The following CORIN variants were observed in gnomAD, a reference collection of about 807,000 sequenced individuals.
The protein encoded by CORIN is atrial natriuretic peptide-converting enzyme.
Under a neutral mutation model 125.3 loss-of-function variants are expected in CORIN, and 117 were observed. That is an observed-to-expected ratio of 0.93 (90% CI 0.80 to 1.09). CORIN has a LOEUF of 1.09. Ranked by LOEUF, CORIN falls within the 50% of genes least tolerant of loss-of-function variation. The pLI is 0.00. For missense variants in CORIN, 1,253 were observed against 1,306.7 expected (o/e 0.96, Z 0.63); for synonymous variants, 450 against 466.4 (o/e 0.96, Z 0.45).
intron 5 of CORIN, among the ~76,000 whole-genome samples, chr4:47,716,338 T>A (rs574274961): frequency 2.0e-5 from 3 of 152,282 alleles, no homozygotes; most frequent in African/African-American, 7.2e-5. Context: ...CACTGAATGA[T>A]TTTTGGAAGA....
intron 5 of CORIN, among the ~76,000 whole-genome samples, chr4:47,730,093 G>C (rs1048448907): frequency 1.3e-5 from 2 of 152,186 alleles, no homozygotes; most frequent in Admixed American, 1.3e-4. Context: ...GGTACAGAAG[G>C]CTGTCACACT....
intron 6 of CORIN, among the ~76,000 whole-genome samples, chr4:47,689,486 C>G (rs1725671716): frequency 6.6e-6 from 1 of 152,100 alleles, no homozygotes; most frequent in South Asian, 2.1e-4. Flanking sequence ...AGCCACCATC[C>G]TCAAAAATAA....
intron 19 of CORIN, among the ~76,000 whole-genome samples, chr4:47,623,094 CTCTATATA>C (rs1365333504): frequency 2.0e-5 from 2 of 101,438 alleles, no homozygotes; most frequent in Admixed American, 1.0e-4. Context: ...CTCTCTCTCT[CTCTATATA>C]TATATATATA....
chr4:47,716,097 T>C (rs1727074897), intron 5 of CORIN, among the ~76,000 whole-genome samples: 1 of 152,226 alleles, frequency 6.6e-6, no homozygotes, highest in Non-Finnish European at 1.5e-5. Context: ...CTTGTGTTGC[T>C]CCCTAGTAGT....
intron 3 of CORIN, among the ~76,000 whole-genome samples, chr4:47,767,061 T>A (rs1729789764): frequency 6.6e-6 from 1 of 151,238 alleles, no homozygotes; most frequent in African/African-American, 2.4e-5. Context: ...GAAAAAGGCA[T>A]AAACTCATAA....
rs184824819 is a variant in CORIN at position 47,828,868 on chromosome 4, A to G, written c.63+9019T>C. 1.8e-4 allele frequency among the ~76,000 whole-genome samples: 27 copies of G among 152,244 alleles called. 1 individual carries two copies. The highest frequency in any genetic ancestry group is 3.7e-4 in the Non-Finnish European group (25 of 68,002). On this transcript the variant is annotated intron_variant, in intron 1 of 21. Transcript: ENST00000273857. ...GAAATTTAAAGACTTGTTATGAAAA[A>G]AAAAGGTAGGCCCGGCGCGGTGGCT...
chr4:47,680,450 G>A, intron 7 of CORIN, 199 bp from the exon 8 acceptor site: 1 of 499,242 alleles, frequency 2.0e-6, no homozygotes, highest in Non-Finnish European at 3.6e-6. Context: ...TCACTGTGGG[G>A]TAAGATGGGT....
chr4:47,809,634 C>T (rs2109957256), intron 1 of CORIN, among the ~76,000 whole-genome samples: 1 of 152,150 alleles, frequency 6.6e-6, no homozygotes, highest in South Asian at 2.1e-4. Context: ...TCTCGAACTC[C>T]TGACCCCGTG....
At chr4:47,631,946 G>T (rs1197182818) in intron 16 of CORIN, among the ~76,000 whole-genome samples, 2 of 152,162 alleles carry the variant, frequency 1.3e-5, no homozygotes, top group South Asian at 2.1e-4. Context: ...TGAGAGAACA[G>T]AGCTCATTAG....
chr4:47,683,637 T>C (rs975372432), intron 7 of CORIN, 94 bp downstream of exon 7: 7 of 847,114 alleles, frequency 8.3e-6, no homozygotes, highest in Non-Finnish European at 1.3e-5. Flanking sequence ...TAATTTAAAC[T>C]GCTAATCATA....
At chr4:47,790,724 T>A (rs1308808594) in intron 2 of CORIN, among the ~76,000 whole-genome samples, 1 of 152,164 alleles carries the variant, frequency 6.6e-6, no homozygotes, top group African/African-American at 2.4e-5. Flanking sequence ...TAAGGTACTT[T>A]TAGATAAATA....
At chr4:47,759,634 A>T (rs542828949) in intron 4 of CORIN, among the ~76,000 whole-genome samples, 13 of 152,360 alleles carry the variant, frequency 8.5e-5, no homozygotes, top group African/African-American at 2.6e-4. Context: ...ACTAATTATC[A>T]GGGCAATGCA....
intron 1 of CORIN, chr4:47,837,522 T>C (rs1337152315): frequency 1.3e-5 from 5 of 373,714 alleles, no homozygotes; most frequent in Non-Finnish European, 4.9e-6. Context: ...CCAAGTCCAC[T>C]AGATGCTTGG....
chr4:47,691,220 G>T (rs1330728000), intron 6 of CORIN, among the ~76,000 whole-genome samples: 1 of 152,196 alleles, frequency 6.6e-6, no homozygotes, highest in African/African-American at 2.4e-5. Context: ...GGAGATACAG[G>T]CATATGCAGA....
At chr4:47,763,288 TA>T in intron 4 of CORIN, 90 bp downstream of exon 4, 1 of 975,380 alleles carries the variant, frequency 1.0e-6, no homozygotes, top group Non-Finnish European at 1.6e-6. Context: ...ACAACCAAAA[TA>T]AAAGGGAGTC....
intron 11 of CORIN, among the ~76,000 whole-genome samples, chr4:47,662,734 G>C (rs1040245000): frequency 6.6e-6 from 1 of 152,036 alleles, no homozygotes; most frequent in African/African-American, 2.4e-5. Context: ...ATTCAACTAA[G>C]TTCTCATTTT....
intron 4 of CORIN, among the ~76,000 whole-genome samples, chr4:47,748,269 T>C (rs1362409062): frequency 1.3e-5 from 2 of 152,224 alleles, no homozygotes; most frequent in African/African-American, 2.4e-5. Flanking sequence ...CGTGGTGAGA[T>C]AGGCCACACT....
chr4:47,793,989 A>G (rs998056119), intron 2 of CORIN, among the ~76,000 whole-genome samples: 1 of 152,168 alleles, frequency 6.6e-6, no homozygotes, highest in Non-Finnish European at 1.5e-5. Context: ...GACATAACAT[A>G]TAACCTCGGG....
At position 47,807,970 on chromosome 4, in the gene CORIN, A is replaced by G. The variant is rs1287670190; in HGVS notation, c.64-923T>C. Among the ~76,000 whole-genome samples, 7 of 152,198 alleles carry G rather than the reference A, an allele frequency of 4.6e-5. No individual in the cohort carries two copies. The South Asian group carries it at 1.4e-3, about 32-fold the overall frequency. On this transcript the variant is annotated intron_variant, in intron 1 of 21. Coordinates refer to ENST00000273857, the MANE Select transcript of CORIN (RefSeq NM_006587.4). Reference sequence around the variant, plus strand: ...CTCTGACAGTTTCAGAACTTGAACTATAACCTCAGTGTAACTACCTCCTGA... The same window carrying G: ...CTCTGACAGTTTCAGAACTTGAACTGTAACCTCAGTGTAACTACCTCCTGA...
Sources: allele counts gnomAD v4.1 joint callset (sites outside exome capture counted in the v4.1 genomes callset), GRCh38; gene constraint gnomAD v4.1.1; transcripts MANE v1.5; gene names NCBI Gene and HGNC (gene_info 2026-07-23, HGNC 2026-07-21).